TXK: variants seen among roughly 807,000 people sequenced by gnomAD.
The protein encoded by TXK is tyrosine-protein kinase TXK.
A neutral mutation model predicts 81.0 loss-of-function variants in TXK; 60 were observed. The observed-to-expected ratio is 0.74, with a 90% CI of 0.60 to 0.92. TXK has a LOEUF of 0.92. Ranked by LOEUF, TXK falls within the 40% of genes least tolerant of loss-of-function variation. TXK has a pLI of 0.00. For synonymous variants in TXK, 203 were observed against 210.7 expected (o/e 0.96, Z 0.32); for missense variants, 581 against 638.3 (o/e 0.91, Z 0.97).
At chr4:48,091,627 T>C (rs1717780076) in intron 8 of TXK, among the ~76,000 whole-genome samples, 1 of 152,074 alleles carries the variant, frequency 6.6e-6, no homozygotes, top group African/African-American at 2.4e-5. Flanking sequence ...TGCCTCAGCC[T>C]CTCGAGTAGG....
chr4:48,133,574 T>A (rs1719299044), intron 1 of TXK, among the ~76,000 whole-genome samples: 1 of 152,148 alleles, frequency 6.6e-6, no homozygotes, highest in Non-Finnish European at 1.5e-5. Flanking sequence ...TTGGGAAAGG[T>A]CCTCGATAAC....
intron 12 of TXK, among the ~76,000 whole-genome samples, chr4:48,074,611 G>A (rs1044803173): frequency 5.3e-5 from 8 of 152,036 alleles, no homozygotes; most frequent in African/African-American, 1.4e-4. Flanking sequence ...AATAACTACC[G>A]TCTCCTTAAA....
chr4:48,089,900 G>A, intron 8 of TXK, 76 bp from the exon 9 acceptor site: 1 of 1,008,194 alleles, frequency 9.9e-7, no homozygotes, highest in African/African-American at 1.6e-5. Context: ...CTAGAAGACA[G>A]TACCATTCTT....
chr4:48,077,540 A>G (rs1717119729), intron 11 of TXK, among the ~76,000 whole-genome samples: 1 of 151,464 alleles, frequency 6.6e-6, no homozygotes, highest in Non-Finnish European at 1.5e-5. Flanking sequence ...CAGGAATAGG[A>G]GGACCTGTGA....
chr4:48,088,004 A>C (rs919529397), intron 9 of TXK, among the ~76,000 whole-genome samples: 47 of 152,176 alleles, frequency 3.1e-4, no homozygotes, highest in Admixed American at 5.2e-4. Flanking sequence ...TAAGGGTAAA[A>C]AATGTGAATG....
rs1716654756 is a variant in TXK at position 48,067,550 on chromosome 4, C to T, written c.*87G>A. Reference sequence around the variant, plus strand: ...GTCAGCAACTCTGAAGAAAGATATTCACCATAAGTGACCCCATATGGTGAA... The same window carrying T: ...GTCAGCAACTCTGAAGAAAGATATTTACCATAAGTGACCCCATATGGTGAA... On this transcript the variant is annotated 3_prime_UTR_variant, in exon 15 of 15. Coordinates refer to ENST00000264316, the MANE Select transcript of TXK (RefSeq NM_003328.3). 7.4e-7 allele frequency: 1 copy of T among 1,344,832 alleles called. No individual in the cohort carries two copies. Among genetic ancestry groups the T allele is most frequent in the Non-Finnish European group, 1.1e-6 (1 of 938,892 alleles). 83.3% of individuals were successfully genotyped at this position (1,344,832 alleles called of 1,614,324 possible).
rs953556696 is a variant in TXK, at chr4:48,127,184, C to T, written c.16+6971G>A. The stretch of plus-strand genomic sequence containing the variant: ...GCAGAGTTGCTGCCCAATAAATAAT[C>T]ATTGCGAGAAGAAAAATCACACTAT... On this transcript the variant is annotated intron_variant, in intron 1 of 14. Transcript: ENST00000264316. Among the ~76,000 whole-genome samples the T allele has an allele frequency of 2.6e-5, 4 of 152,204 alleles. No individual in the cohort carries two copies. The South Asian group carries it at 8.3e-4, about 32-fold the overall frequency.
intron 6 of TXK, among the ~76,000 whole-genome samples, chr4:48,101,866 A>C (rs1350632440): frequency 2.0e-5 from 3 of 151,972 alleles, no homozygotes. Context: ...TTTAAATTCT[A>C]TGCAAGAAAA....
chr4:48,069,338 T>TC, intron 14 of TXK, among the ~76,000 whole-genome samples: 1 of 151,408 alleles, frequency 6.6e-6, no homozygotes, highest in Admixed American at 6.6e-5. Context: ...TTTTTTTTTT[T>TC]TTTTTTTGAG....
At chr4:48,110,090 G>A (rs1718587223) in intron 5 of TXK, among the ~76,000 whole-genome samples, 1 of 152,176 alleles carries the variant, frequency 6.6e-6, no homozygotes, top group South Asian at 2.1e-4. Flanking sequence ...ATTTCAGGCG[G>A]AACTCTAGTG....
At chr4:48,114,710 A>G (rs999605027) in intron 1 of TXK, among the ~76,000 whole-genome samples, 2 of 152,230 alleles carry the variant, frequency 1.3e-5, no homozygotes, top group Middle Eastern at 3.2e-3. Flanking sequence ...GCTAACAAAT[A>G]TACAAGAGAA....
At chr4:48,119,470 G>A (rs1199427788) in intron 1 of TXK, among the ~76,000 whole-genome samples, 2 of 152,088 alleles carry the variant, frequency 1.3e-5, no homozygotes, top group African/African-American at 4.8e-5. Context: ...TCAAGTCCAA[G>A]CCCAGGCAAG....
intron 8 of TXK, among the ~76,000 whole-genome samples, chr4:48,092,526 A>C (rs1717818965): frequency 7.6e-6 from 1 of 132,358 alleles, no homozygotes; most frequent in African/African-American, 2.7e-5. Flanking sequence ...AAGTAAATGG[A>C]AAGTGAGAGA....
intron 6 of TXK, among the ~76,000 whole-genome samples, chr4:48,104,663 T>C (rs1264601283): frequency 1.6e-5 from 2 of 127,556 alleles, no homozygotes; most frequent in Middle Eastern, 3.4e-3. Context: ...AGTCTGCCTA[T>C]GTTGGAGCTG....
chr4:48,092,053 A>G (rs1158524997), intron 8 of TXK, among the ~76,000 whole-genome samples: 2 of 152,166 alleles, frequency 1.3e-5, no homozygotes, highest in Non-Finnish European at 2.9e-5. Context: ...TATGCTTCCA[A>G]CCCCTACAAG....
intron 5 of TXK, among the ~76,000 whole-genome samples, chr4:48,107,833 C>T (rs1200148982): frequency 2.7e-5 from 4 of 146,454 alleles, no homozygotes; most frequent in Admixed American, 1.4e-4. Context: ...GAGGTAGAGG[C>T]GGGCGGATCA....
At chr4:48,097,697 A>G (rs954415281) in intron 6 of TXK, among the ~76,000 whole-genome samples, 3 of 150,798 alleles carry the variant, frequency 2.0e-5, no homozygotes. Context: ...CAGCCTACCA[A>G]AGTGCTGGGA....
At chr4:48,097,195 T>C (rs1718014348) in intron 6 of TXK, among the ~76,000 whole-genome samples, 1 of 151,988 alleles carries the variant, frequency 6.6e-6, no homozygotes, top group Non-Finnish European at 1.5e-5. Context: ...AATCACTAAA[T>C]AATGGTGAAA....
chr4:48,081,607 T>A (rs1717303171), intron 10 of TXK, among the ~76,000 whole-genome samples: 1 of 152,132 alleles, frequency 6.6e-6, no homozygotes, highest in Admixed American at 6.6e-5. Context: ...CAGTTCTCCT[T>A]TTCTAATCAT....
Sources: gnomAD v4.1 joint callset for allele counts (sites outside exome capture counted in the v4.1 genomes callset) on GRCh38, gnomAD v4.1.1 for gene constraint, MANE v1.5 for transcripts, NCBI Gene and HGNC (gene_info 2026-07-23, HGNC 2026-07-21) for gene names.